HOMER3: variants seen among roughly 807,000 people sequenced by gnomAD.
HOMER3 encodes homer scaffold protein 3, also known as homer protein homolog 3.
Under a neutral mutation model 45.5 loss-of-function variants are expected in HOMER3, and 34 were observed. The observed-to-expected ratio is 0.75, with a 90% CI of 0.57 to 1.00. The LOEUF is 1.00. Among genes scored for constraint, HOMER3 ranks in the 50% least tolerant of loss-of-function variants. HOMER3 has a pLI of 0.00. For synonymous variants in HOMER3, 223 were observed against 208.8 expected (o/e 1.07, Z -0.58); for missense variants, 480 against 497.5 (o/e 0.96, Z 0.33).
At position 18,929,330 on chromosome 19, in the gene HOMER3, A is replaced by C; in HGVS notation, c.*113T>G. 7 of 1,145,586 alleles carry C rather than the reference A, an allele frequency of 6.1e-6. No individual in the cohort carries two copies. Among genetic ancestry groups the C allele is most frequent in the East Asian group, 2.5e-5 (1 of 40,196 alleles). 71.0% of individuals were successfully genotyped at this position (1,145,586 alleles called of 1,614,324 possible). On this transcript the variant is annotated 3_prime_UTR_variant, in exon 10 of 10. Transcript: ENST00000392351. ...CAGCCCAGCCCGGCCCGGCCCACCC[A>C]GGGCTAAGTTGGGACCCCCCAGTCC...
At chr19:18,938,693 C>T in intron 3 of HOMER3, 35 bp downstream of exon 3, 1 of 1,570,702 alleles carries the variant, frequency 6.4e-7, no homozygotes, top group East Asian at 2.3e-5. Flanking sequence ...ACCAGGACTC[C>T]TGGTGCCTCT....
chr19:18,931,619 C>A lies in HOMER3; in HGVS notation c.697G>T (p.Glu233Ter). ...TCTGAAGCTGCCTGAGCCTCCAGCT[C>A]AGCCACCTGTAGGGCAGGAATAGCA... ...EAERLRQRVAELEAQAASEVT... is the reference protein window; with the variant it reads ...EAERLRQRVA Residue 233 changes from glutamate (E) to a stop codon, truncating the protein, a stop_gained, in exon 8 of 10, where the codon GAG (glutamate) becomes TAG (stop). Transcript: ENST00000392351. LOFTEE classifies it high-confidence loss of function. 1 of 1,606,432 alleles carries A rather than the reference C, an allele frequency of 6.2e-7. No homozygotes were observed. The highest frequency in any genetic ancestry group is 8.5e-7 in the Non-Finnish European group (1 of 1,176,696).
chr19:18,938,409 T>A lies in HOMER3; in HGVS notation c.247A>T (p.Ser83Cys). ...TSQKFGQWAD[S>C]RANTVYGLGF... is the part of the protein sequence containing the mutation. ...AGGCCGTAGACTGTGTTGGCGCGACTGTCGGCCCACTGCCCGAACTTCTGG... is the reference window on the plus strand; with the variant it reads ...AGGCCGTAGACTGTGTTGGCGCGACAGTCGGCCCACTGCCCGAACTTCTGG... Residue 83 changes from serine to cysteine, a missense_variant, in exon 4 of 10, where the codon AGT (serine) becomes TGT (cysteine). Transcript: ENST00000392351. The A allele has an allele frequency of 6.2e-7, 1 of 1,614,132 alleles. No homozygotes were observed. Among genetic ancestry groups the A allele is most frequent in the Non-Finnish European group, 8.5e-7 (1 of 1,179,980 alleles).
In HOMER3 at chr19:18,929,320, C is replaced by G; in HGVS notation, c.*123G>C. On this transcript the variant is annotated 3_prime_UTR_variant, in exon 10 of 10. Coordinates refer to ENST00000392351, the MANE Select transcript of HOMER3 (RefSeq NM_004838.4). ...GGGCCCACCCCAGCCCAGCCCGGCCCGGCCCACCCAGGGCTAAGTTGGGAC... is the reference window on the plus strand; with the variant it reads ...GGGCCCACCCCAGCCCAGCCCGGCCGGGCCCACCCAGGGCTAAGTTGGGAC... 8.6e-7 allele frequency: 1 copy of G among 1,166,572 alleles called. No individual in the cohort carries two copies. The highest frequency in any genetic ancestry group is 1.3e-6 in the Non-Finnish European group (1 of 785,882). The allele number at this position is 1,166,572 out of a possible 1,614,324, so 72.3% of individuals were successfully genotyped here.
Position 18,931,386 on chromosome 19 carries a change from G to C in HOMER3, c.833C>G (p.Thr278Ser). Residue 278 changes from threonine (T) to serine (S), a missense_variant, in exon 9 of 10, where the codon ACT becomes AGT. Coordinates refer to ENST00000392351, the MANE Select transcript of HOMER3 (RefSeq NM_004838.4). ...CTCCAGGGCCTCGCGGGGCCCCCCA[G>C]TCTGACTCTTCAGGGTCTGAATCTC... ...DQEIQTLKSQ[T>S]GGPREALEAA... is the part of the protein sequence containing the mutation. 1 of 1,614,160 alleles carries C rather than the reference G, an allele frequency of 6.2e-7. No homozygotes were observed. Among genetic ancestry groups the C allele is most frequent in the South Asian group, 1.1e-5 (1 of 91,086 alleles).
rs765388527 is a variant in HOMER3 at position 18,932,880 on chromosome 19, C to T, written c.533+44G>A. On this transcript the variant is annotated intron_variant, in intron 6 of 9. Coordinates refer to ENST00000392351, the MANE Select transcript of HOMER3 (RefSeq NM_004838.4). ...CCAAGAACCGCCTCCTCGTCCCCCA[C>T]CCCTACCCCCGCCCCTGCCACGCCC... 2.3e-4 allele frequency: 166 copies of T among 719,752 alleles called. 1 individual carries two copies. Among genetic ancestry groups the T allele is most frequent in the Middle Eastern group, 2.1e-3 (5 of 2,362 alleles). 44.6% of individuals were successfully genotyped at this position (719,752 alleles called of 1,614,324 possible).
rs2057030179 is a variant in HOMER3, at chr19:18,931,384, C to T, written c.835G>A (p.Gly279Arg). ...QEIQTLKSQT[G>R]GPREALEAAE... ...GCCTCCAGGGCCTCGCGGGGCCCCC[C>T]AGTCTGACTCTTCAGGGTCTGAATC... Residue 279 changes from glycine to arginine, a missense_variant, in exon 9 of 10, where the codon GGG becomes AGG. Physicochemically the swap from Gly to Arg is moderately radical, Grantham distance 125 (BLOSUM62 -2). Coordinates refer to ENST00000392351, the MANE Select transcript of HOMER3 (RefSeq NM_004838.4). 6.2e-7 allele frequency: 1 copy of T among 1,614,194 alleles called. No homozygotes were observed. Among genetic ancestry groups the T allele is most frequent in the Non-Finnish European group, 8.5e-7 (1 of 1,180,026 alleles).
intron 4 of HOMER3, among the ~76,000 whole-genome samples, chr19:18,935,168 C>T (rs1188100775): frequency 7.7e-6 from 1 of 129,366 alleles, no homozygotes; most frequent in African/African-American, 2.9e-5. Context: ...GGGACAGAAT[C>T]TCGCTTTGTC....
intron 9 of HOMER3, among the ~76,000 whole-genome samples, 169 bp from the exon 10 acceptor site, chr19:18,929,803 C>A (rs1386409078): frequency 2.6e-4 from 39 of 152,146 alleles, no homozygotes; most frequent in Admixed American, 2.4e-3. Context: ...CTTCTGCCCT[C>A]ATTTCTTTTG....
chr19:18,937,308 TAAA>T (rs535744160), intron 4 of HOMER3, among the ~76,000 whole-genome samples: 2 of 82,322 alleles, frequency 2.4e-5, no homozygotes, highest in Non-Finnish European at 2.1e-5. Context: ...AAGATCTTGT[TAAA>T]AAAAAAAAAA....
rs1404495605 is a variant in HOMER3 at position 18,929,500 on chromosome 19, C to G, written c.1029G>C (p.Leu343=). Residue 343 remains leucine, a synonymous_variant, in exon 10 of 10, where the codon CTG becomes CTC. Coordinates refer to ENST00000392351, the MANE Select transcript of HOMER3 (RefSeq NM_004838.4). ...GRAAQLLDVS[L]FELSELREGL... is the part of the protein sequence containing the mutation. ...CCTCACGCAGCTCACTCAGCTCAAA[C>G]AGGCTGACGTCCAGCAGCTGCGCTG... The G allele has an allele frequency of 1.3e-6, 2 of 1,594,192 alleles. No homozygotes were observed. The highest frequency in any genetic ancestry group is 2.7e-5 in the African/African-American group (2 of 74,680).
chr19:18,932,613 G>T (rs2057048713), intron 6 of HOMER3, among the ~76,000 whole-genome samples: 1 of 152,072 alleles, frequency 6.6e-6, no homozygotes, highest in South Asian at 2.1e-4. Context: ...GGGAGGGATG[G>T]GAGGTTGGGG....
chr19:18,932,911 T>G lies in HOMER3; in HGVS notation c.533+13A>C. The G allele has an allele frequency of 1.4e-6, 1 of 718,654 alleles. No individual in the cohort carries two copies. Among genetic ancestry groups the G allele is most frequent in the African/African-American group, 2.0e-5 (1 of 49,554 alleles). The allele number at this position is 718,654 out of a possible 1,614,324, so 44.5% of individuals were successfully genotyped here. On this transcript the variant is annotated intron_variant, in intron 6 of 9. Transcript: ENST00000392351. Reference sequence around the variant, plus strand: ...CCCCCGCCCCTGCCACGCCCCCAAGTCCCGCCCCTCACCCCTCAGACAACA... The same window carrying G: ...CCCCCGCCCCTGCCACGCCCCCAAGGCCCGCCCCTCACCCCTCAGACAACA...
chr19:18,929,344 AC>A lies in HOMER3; in HGVS notation c.*98del, dbSNP rs766629659. On this transcript the variant is annotated 3_prime_UTR_variant, in exon 10 of 10. Transcript: ENST00000392351. ...CCGGCCCACCCAGGGCTAAGTTGGG[AC>A]CCCCCAGTCCCTTTCCAGGACGAAT... 6.5e-6 allele frequency: 8 copies of A among 1,232,548 alleles called. No homozygotes were observed. The highest frequency in any genetic ancestry group is 1.9e-4 in the Middle Eastern group (1 of 5,286). The allele number at this position is 1,232,548 out of a possible 1,614,324, so 76.4% of individuals were successfully genotyped here. A position where few individuals can be genotyped will look rare whatever the true frequency, so the allele number is the denominator to read the frequency against.
intron 5 of HOMER3, among the ~76,000 whole-genome samples, chr19:18,933,922 T>G (rs1250815027): frequency 6.6e-6 from 1 of 152,018 alleles, no homozygotes; most frequent in Non-Finnish European, 1.5e-5. Flanking sequence ...GCCAGGCTGG[T>G]CTCGAACTCT....
chr19:18,930,119 G>A, intron 9 of HOMER3, among the ~76,000 whole-genome samples: 1 of 151,882 alleles, frequency 6.6e-6, no homozygotes, highest in African/African-American at 2.4e-5. Context: ...GCATGGTGGT[G>A]CACACCTGTA....
intron 9 of HOMER3, 104 bp from the exon 10 acceptor site, chr19:18,929,738 C>T (rs1568334558): frequency 1.1e-6 from 1 of 931,384 alleles, no homozygotes; most frequent in East Asian, 2.8e-5. Context: ...TGCCCAGAGC[C>T]ATCCTAGGGC....
In HOMER3 at chr19:18,929,475, C is replaced by CCTCACGCAG. The variant is rs765626056; in HGVS notation, c.1045_1053dup (p.Leu349_Glu351dup). The CCTCACGCAG allele has an allele frequency of 4.4e-6, 7 of 1,599,962 alleles. No individual in the cohort carries two copies. Among genetic ancestry groups the CCTCACGCAG allele is most frequent in the African/African-American group, 2.7e-5 (2 of 74,740 alleles). ...GCAGCCTCAGCCAGGCGGGCCAGGC[C>CCTCACGCAG]CTCACGCAGCTCACTCAGCTCAAAC... On this transcript the variant is annotated inframe_insertion, in exon 10 of 10. Coordinates refer to ENST00000392351, the MANE Select transcript of HOMER3 (RefSeq NM_004838.4).
intron 5 of HOMER3, among the ~76,000 whole-genome samples, chr19:18,933,705 T>C (rs944920519): frequency 6.6e-6 from 1 of 151,956 alleles, no homozygotes; most frequent in Non-Finnish European, 1.5e-5. Flanking sequence ...AGCCATTTCT[T>C]TCTTTCTTTT....
Sources: gnomAD v4.1 joint callset for allele counts (sites outside exome capture counted in the v4.1 genomes callset) on GRCh38, gnomAD v4.1.1 for gene constraint, MANE v1.5 for transcripts, NCBI Gene and HGNC (gene_info 2026-07-23, HGNC 2026-07-21) for gene names.